The following EVI5 variants were observed in gnomAD, a reference collection of about 807,000 sequenced individuals.
EVI5 encodes ecotropic viral integration site 5.
In EVI5, 73 loss-of-function variants were observed where a neutral mutation model predicts 112.0. The ratio of observed to expected loss-of-function variants is 0.65; its 90% CI spans 0.54 to 0.79. The LOEUF (loss-of-function observed/expected upper bound fraction) is 0.79, where lower values mean the gene tolerates loss of function less well. EVI5 is among the 30% of genes least tolerant of loss of function. The pLI is 0.00. For synonymous variants in EVI5, 305 were observed against 319.9 expected, an observed-to-expected ratio of 0.95 and a Z score of 0.50; for missense variants, 900 against 968.8, an observed-to-expected ratio of 0.93 and a Z score of 0.94.
At chr1:92,695,481 A>C (rs2102480197) in intron 6 of EVI5, 28 bp from the exon 7 acceptor site, 2 of 1,445,042 alleles carry the variant, frequency 1.4e-6, no homozygotes, top group Non-Finnish European at 1.9e-6. Flanking sequence ...ATTAGTTATA[A>C]CACAGTAAAA....
At chr1:92,586,418 T>C (rs1434319694) in intron 18 of EVI5, among the ~76,000 whole-genome samples, 1 of 152,168 alleles carries the variant, frequency 6.6e-6, no homozygotes, top group Non-Finnish European at 1.5e-5. Context: ...TCATGGATAT[T>C]TATTTTATAC....
At position 92,684,147 on chromosome 1, in the gene EVI5, AC is replaced by A. The variant is rs1305137070; in HGVS notation, c.1098-6930del. Among the ~76,000 whole-genome samples, 36 of 152,336 alleles carry A rather than the reference AC, an allele frequency of 2.4e-4. 1 individual carries two copies. The highest frequency in any genetic ancestry group is 2.0e-3 in the Admixed American group (31 of 15,296). On this transcript the variant is annotated intron_variant, in intron 9 of 19. Coordinates refer to ENST00000684568, the MANE Select transcript of EVI5 (RefSeq NM_001350197.2). ...GAAGGAAAAAATGTTAAGGGCAGCC[AC>A]AGAGAAAGGTCGGGTTACCCACAAA... is the stretch of plus-strand genomic sequence containing the variant.
intron 1 of EVI5, among the ~76,000 whole-genome samples, chr1:92,761,057 C>A (rs1275272975): frequency 3.4e-3 from 363 of 106,158 alleles, no homozygotes; most frequent in Admixed American, 4.5e-3. Flanking sequence ...GGCTCCATCT[C>A]AAAAAAAAAA....
chr1:92,756,761 C>T (rs1221413166), intron 1 of EVI5: 1 of 503,620 alleles, frequency 2.0e-6, no homozygotes, highest in South Asian at 1.5e-5. Flanking sequence ...ACTATGCACG[C>T]CTCATCTTAC....
intron 2 of EVI5, among the ~76,000 whole-genome samples, chr1:92,730,605 C>T (rs372824208): frequency 1.3e-4 from 19 of 149,772 alleles, no homozygotes; most frequent in African/African-American, 4.7e-4. Context: ...TCACTTGAGC[C>T]CAGGAGACCA....
chr1:92,675,258 C>T (rs1375221705), intron 10 of EVI5, among the ~76,000 whole-genome samples: 2 of 152,040 alleles, frequency 1.3e-5, no homozygotes, highest in East Asian at 3.9e-4. Flanking sequence ...GTGAGAGGAT[C>T]GCTTGAGCGC....
intron 13 of EVI5, among the ~76,000 whole-genome samples, chr1:92,641,605 G>C (rs1659979249): frequency 6.6e-6 from 1 of 152,072 alleles, no homozygotes; most frequent in African/African-American, 2.4e-5. Flanking sequence ...TGGCACATTT[G>C]GACCGCCATA....
At chr1:92,719,545 C>T (rs951294442) in intron 2 of EVI5, among the ~76,000 whole-genome samples, 4 of 152,090 alleles carry the variant, frequency 2.6e-5, no homozygotes, top group Middle Eastern at 3.4e-3. Flanking sequence ...TGGAACATAT[C>T]TCAAAATAAT....
intron 1 of EVI5, among the ~76,000 whole-genome samples, chr1:92,746,894 C>T (rs1203004482): frequency 3.1e-5 from 4 of 128,400 alleles, no homozygotes; most frequent in Admixed American, 7.9e-5. Context: ...GACTCTGGTT[C>T]AAAAAAAAAA....
chr1:92,652,012 T>C (rs1229213673), intron 13 of EVI5, among the ~76,000 whole-genome samples: 2 of 152,110 alleles, frequency 1.3e-5, no homozygotes, highest in Non-Finnish European at 2.9e-5. Flanking sequence ...CTTAAAAGAA[T>C]TAAGAGCAGG....
chr1:92,716,629 C>G (rs1470397336), intron 2 of EVI5, among the ~76,000 whole-genome samples: 2 of 126,536 alleles, frequency 1.6e-5, no homozygotes, highest in Admixed American at 7.9e-5. Flanking sequence ...CTTTGAGGAG[C>G]TGACAGAAAT....
chr1:92,592,229 C>T (rs563303123), intron 18 of EVI5, among the ~76,000 whole-genome samples: 8 of 152,118 alleles, frequency 5.3e-5, no homozygotes, highest in Admixed American at 1.3e-4. Context: ...GGTGACAGAG[C>T]GAGACTCCGT....
At chr1:92,753,957 T>C (rs1680550986) in intron 1 of EVI5, among the ~76,000 whole-genome samples, 1 of 152,194 alleles carries the variant, frequency 6.6e-6, no homozygotes, top group Non-Finnish European at 1.5e-5. Flanking sequence ...TCAGTTAATA[T>C]GCCTAGAAGG....
At chr1:92,624,719 A>T (rs1367234093) in intron 15 of EVI5, among the ~76,000 whole-genome samples, 2 of 118,908 alleles carry the variant, frequency 1.7e-5, no homozygotes, top group Non-Finnish European at 3.6e-5. Context: ...AAAAAAAAAA[A>T]AGAATTTATT....
At chr1:92,756,856 G>T in intron 1 of EVI5, 1 of 474,932 alleles carries the variant, frequency 2.1e-6, no homozygotes, top group Non-Finnish European at 4.2e-6. Context: ...GTCCCTCACT[G>T]GCAATAGTAG....
chr1:92,703,447 A>G lies in EVI5; in HGVS notation c.512T>C (p.Phe171Ser). 1 of 1,588,592 alleles carries G rather than the reference A, an allele frequency of 6.3e-7. No individual in the cohort carries two copies. The highest frequency in any genetic ancestry group is 8.5e-7 in the Non-Finnish European group (1 of 1,173,320). ...TCCAAGGCTATCTTTTTCCTTAAAA[A>G]AGTTGTGTTCAGGGTAAGTTCTAGC... ...DIARTYPEHNFFKEKDSLGQE... is the reference protein window; with the variant it reads ...DIARTYPEHNSFKEKDSLGQE... Residue 171 changes from phenylalanine to serine, a missense_variant, in exon 4 of 20, where the codon TTT becomes TCT. By Grantham distance (155) the Phe-to-Ser change is radical. Transcript: ENST00000684568.
At chr1:92,669,549 A>AAAAAAAAAAAAAAAAAAAAAAAAAAAAAC (rs1471992554) in intron 10 of EVI5, among the ~76,000 whole-genome samples, 1 of 147,332 alleles carries the variant, frequency 6.8e-6, no homozygotes, top group Admixed American at 6.8e-5. Flanking sequence ...CTCTGTCTCA[A>AAAAAAAAAAAAAAAAAAAAAAAAAAAAAC]AAAAAAAAAA....
At chr1:92,541,046 C>T (rs1451801981) in intron 19 of EVI5, among the ~76,000 whole-genome samples, 1 of 152,064 alleles carries the variant, frequency 6.6e-6, no homozygotes, top group South Asian at 2.1e-4. Flanking sequence ...TGCACTCCAG[C>T]CTGAGTGACA....
rs1685444351 is a variant in EVI5, at chr1:92,785,023, C to T, written c.-269G>A. Reference sequence around the variant, plus strand: ...CGACCCTCACCTACCCCTCCCGGCACCGCCGCTGTCGGAACTGCAGCCAGC... The same window carrying T: ...CGACCCTCACCTACCCCTCCCGGCATCGCCGCTGTCGGAACTGCAGCCAGC... On this transcript the variant is annotated 5_prime_UTR_variant, in exon 1 of 20. It adds an upstream start codon to the 5' untranslated region. Transcript: ENST00000684568. The T allele has an allele frequency of 1.0e-6, 1 of 985,450 alleles. No homozygotes were observed. The highest frequency in any genetic ancestry group is 1.7e-5 in the African/African-American group (1 of 57,242). 61.0% of individuals were successfully genotyped at this position (985,450 alleles called of 1,614,324 possible).
Sources: gnomAD v4.1 joint callset for allele counts (sites outside exome capture counted in the v4.1 genomes callset) on GRCh38, gnomAD v4.1.1 for gene constraint, MANE v1.5 for transcripts, NCBI Gene and HGNC (gene_info 2026-07-23, HGNC 2026-07-21) for gene names.